The following ABCE1 variants were observed in gnomAD, a reference collection of about 807,000 sequenced individuals.
ABCE1 encodes the protein ATP binding cassette subfamily E member 1.
Under a neutral mutation model 83.4 loss-of-function variants are expected in ABCE1, and 22 were observed. That is an observed-to-expected ratio of 0.26 (90% CI 0.19 to 0.38). ABCE1 has a LOEUF of 0.38. Among genes scored for constraint, ABCE1 ranks in the 10% least tolerant of loss-of-function variants. The probability of loss-of-function intolerance (pLI) is 1.00; values close to 1 mark genes in which losing one functional copy is unlikely to be tolerated. For missense variants in ABCE1, 330 were observed against 721.9 expected (o/e 0.46, Z 6.22); for synonymous variants, 204 against 233.7 (o/e 0.87, Z 1.16).
At chr4:145,119,539 AAC>A (rs1213583922) in intron 10 of ABCE1, among the ~76,000 whole-genome samples, 1 of 151,932 alleles carries the variant, frequency 6.6e-6, no homozygotes, top group Non-Finnish European at 1.5e-5. Flanking sequence ...AAATATTGAT[AAC>A]ATTGTATATT....
At chr4:145,114,875 A>T (rs1022384631) in intron 9 of ABCE1, among the ~76,000 whole-genome samples, 1 of 151,900 alleles carries the variant, frequency 6.6e-6, no homozygotes, top group Non-Finnish European at 1.5e-5. Context: ...ATTGATGATA[A>T]AGAGTCATAA....
intron 3 of ABCE1, 136 bp downstream of exon 3, chr4:145,105,826 T>C (rs1749288169): frequency 2.1e-6 from 1 of 470,744 alleles, no homozygotes; most frequent in Non-Finnish European, 3.7e-6. Flanking sequence ...TTTAGGAAAG[T>C]GGTATTCTAA....
At chr4:145,125,173 T>A in intron 17 of ABCE1, 72 bp downstream of exon 17, 1 of 1,141,486 alleles carries the variant, frequency 8.8e-7, no homozygotes, top group Non-Finnish European at 1.3e-6. Flanking sequence ...TATTTAAAAA[T>A]CAATAACATA....
At chr4:145,106,850 T>C (rs1285017126) in intron 3 of ABCE1, among the ~76,000 whole-genome samples, 1 of 152,132 alleles carries the variant, frequency 6.6e-6, no homozygotes, top group East Asian at 1.9e-4. Flanking sequence ...TAGTTTTGGT[T>C]AGAGGGTGGA....
intron 17 of ABCE1, among the ~76,000 whole-genome samples, chr4:145,125,454 T>A (rs1258035010): frequency 6.6e-6 from 1 of 151,330 alleles, no homozygotes; most frequent in African/African-American, 2.4e-5. Context: ...GGCAAAAGAG[T>A]GAGACTCTGT....
intron 9 of ABCE1, among the ~76,000 whole-genome samples, chr4:145,116,640 C>T (rs1038108376): frequency 1.3e-5 from 2 of 151,788 alleles, no homozygotes. Context: ...CTATTACTTG[C>T]GTCTAAAACT....
intron 5 of ABCE1, 127 bp from the exon 6 acceptor site, chr4:145,109,976 C>T (rs1749421817): frequency 1.3e-6 from 1 of 784,786 alleles, no homozygotes; most frequent in Non-Finnish European, 1.9e-6. Context: ...ATTATGTTCG[C>T]CTCCAACCTT....
At chr4:145,098,999 G>C (rs934274379) in intron 1 of ABCE1, among the ~76,000 whole-genome samples, 3 of 152,176 alleles carry the variant, frequency 2.0e-5, no homozygotes, top group Admixed American at 2.0e-4. Context: ...AGCTATGACT[G>C]GGGTTGTCCC....
chr4:145,109,915 A>G (rs960619465), intron 5 of ABCE1, among the ~76,000 whole-genome samples, 188 bp from the exon 6 acceptor site: 7 of 152,184 alleles, frequency 4.6e-5, no homozygotes, highest in Admixed American at 4.6e-4. Context: ...ATAACATAAT[A>G]TCTGTTCTGT....
At chr4:145,126,469 A>AT (rs1039365319) in intron 17 of ABCE1, among the ~76,000 whole-genome samples, 11 of 151,874 alleles carry the variant, frequency 7.2e-5, no homozygotes, top group Admixed American at 6.6e-4. Flanking sequence ...AATTTTCTGT[A>AT]TTTTTTTGAT....
chr4:145,117,217 A>T (rs1053999383), intron 9 of ABCE1, 76 bp from the exon 10 acceptor site: 3 of 1,278,688 alleles, frequency 2.3e-6, no homozygotes, highest in South Asian at 1.6e-5. Flanking sequence ...TATTAGATGT[A>T]TCTCTTTTTC....
At chr4:145,106,548 A>G (rs1749309404) in intron 3 of ABCE1, among the ~76,000 whole-genome samples, 1 of 152,098 alleles carries the variant, frequency 6.6e-6, no homozygotes, top group African/African-American at 2.4e-5. Flanking sequence ...TTTGTGCTGT[A>G]AGAAAATTAT....
intron 1 of ABCE1, among the ~76,000 whole-genome samples, chr4:145,099,122 A>G (rs898901305): frequency 2.0e-5 from 3 of 152,194 alleles, no homozygotes; most frequent in African/African-American, 7.2e-5. Flanking sequence ...CATTGAGATC[A>G]AGGTTGATGT....
chr4:145,121,028 G>A (rs2126712674), intron 11 of ABCE1, 146 bp from the exon 12 acceptor site: 2 of 714,062 alleles, frequency 2.8e-6, no homozygotes. Context: ...AAAGACTTAA[G>A]TATTTTTCTA....
chr4:145,102,042 A>G (rs899564393), intron 1 of ABCE1, among the ~76,000 whole-genome samples: 2 of 152,194 alleles, frequency 1.3e-5, no homozygotes, highest in African/African-American at 4.8e-5. Context: ...AAGATGAGTG[A>G]CCAGGAAAAC....
At chr4:145,113,466 G>A (rs1749533981) in intron 9 of ABCE1, among the ~76,000 whole-genome samples, 1 of 152,100 alleles carries the variant, frequency 6.6e-6, no homozygotes, top group Non-Finnish European at 1.5e-5. Context: ...AACTTTTATG[G>A]TACATAGCAG....
chr4:145,119,751 A>G (rs1470418592), intron 10 of ABCE1, among the ~76,000 whole-genome samples, 181 bp from the exon 11 acceptor site: 1 of 151,966 alleles, frequency 6.6e-6, no homozygotes, highest in Non-Finnish European at 1.5e-5. Flanking sequence ...ATATATATTC[A>G]TGAATTATTT....
chr4:145,124,838 G>A (rs1158358022), intron 16 of ABCE1, 152 bp from the exon 17 acceptor site: 1 of 525,430 alleles, frequency 1.9e-6, no homozygotes, highest in Non-Finnish European at 3.4e-6. Flanking sequence ...TCTGAACACA[G>A]GATTTGTAAT....
intron 11 of ABCE1, 48 bp downstream of exon 11, chr4:145,120,201 T>G: frequency 6.7e-7 from 1 of 1,500,772 alleles, no homozygotes. Context: ...GTTTATCTAG[T>G]AAATTAGTTT....
Sources: allele counts gnomAD v4.1 joint callset (sites outside exome capture counted in the v4.1 genomes callset), GRCh38; gene constraint gnomAD v4.1.1; transcripts MANE v1.5; gene names NCBI Gene and HGNC (gene_info 2026-07-23, HGNC 2026-07-21).